The following ZNF280C variants were observed in gnomAD, a reference collection of about 807,000 sequenced individuals.
ZNF280C encodes zinc finger protein 280C, also known as suppressor of hairy wing homolog 3.
In ZNF280C, 14 loss-of-function variants were observed where a neutral mutation model predicts 53.6. The observed-to-expected ratio is 0.26, with a 90% CI of 0.17 to 0.41. The LOEUF is 0.41. ZNF280C is among the 10% of genes least tolerant of loss of function. The pLI, the probability that ZNF280C is intolerant of heterozygous loss-of-function variation, is 1.00. For synonymous variants in ZNF280C, 203 were observed against 181.1 expected, an observed-to-expected ratio of 1.12 and a Z score of -0.97; for missense variants, 416 against 547.1, an observed-to-expected ratio of 0.76 and a Z score of 2.39.
At chrX:130,248,537 G>A (rs2032473182) in intron 2 of ZNF280C, among the ~76,000 whole-genome samples, 1 of 111,394 alleles carries the variant, frequency 9.0e-6, no homozygotes, top group South Asian at 3.8e-4. Context: ...CATCCCCCTA[G>A]GCTCTGCTTG....
intron 8 of ZNF280C, among the ~76,000 whole-genome samples, chrX:130,232,990 T>TAC (rs200162826): frequency 1.1e-3 from 119 of 110,325 alleles, no homozygotes; most frequent in African/African-American, 2.9e-3. Flanking sequence ...TATATATATA[T>TAC]ACACACACAC....
intron 5 of ZNF280C, among the ~76,000 whole-genome samples, chrX:130,241,180 A>C (rs1702707691): frequency 9.0e-6 from 1 of 111,633 alleles, no homozygotes; most frequent in Admixed American, 9.6e-5. Context: ...GATAATAATA[A>C]TACTCTCCTT....
intron 2 of ZNF280C, among the ~76,000 whole-genome samples, chrX:130,255,513 AGAG>A (rs1415666967): frequency 4.5e-5 from 5 of 110,960 alleles, no homozygotes; most frequent in South Asian, 7.5e-4. Context: ...GAGAAAAAGG[AGAG>A]GAGAAGTAAT....
Position 130,239,705 on chromosome X carries a change from T to A in ZNF280C, c.382-12A>T, listed in dbSNP as rs201374865. On this transcript the variant is annotated splice_polypyrimidine_tract_variant and intron_variant, in intron 5 of 18. Coordinates refer to ENST00000370978, the MANE Select transcript of ZNF280C (RefSeq NM_017666.5). ...TTCTTTGTAAAATCCTGTAAAAATT[T>A]ATAATTATTTTGTTTCATAAACTTT... is the stretch of plus-strand genomic sequence containing the variant. 2.2e-3 allele frequency: 2,226 copies of A among 1,027,097 alleles called. 9 individuals carry two copies. Among genetic ancestry groups the A allele is most frequent in the Non-Finnish European group, 1.6e-3 (1,194 of 736,851 alleles). The allele number at this position is 1,027,097 out of a possible 1,213,427, so 84.6% of individuals were successfully genotyped here.
chrX:130,236,447 A>G lies in ZNF280C; in HGVS notation c.664+22T>C, dbSNP rs751361440. The G allele has an allele frequency of 2.6e-6, 3 of 1,158,226 alleles. No homozygotes were observed. The African/African-American group carries it at 5.5e-5, about 21-fold the overall frequency. On this transcript the variant is annotated intron_variant, in intron 7 of 18. Coordinates refer to ENST00000370978, the MANE Select transcript of ZNF280C (RefSeq NM_017666.5). ...TATAAAAATAATACTATTTTTTTTTACATGTCAGATTTCATGTTTACCTTT... is the reference window on the plus strand; with the variant it reads ...TATAAAAATAATACTATTTTTTTTTGCATGTCAGATTTCATGTTTACCTTT...
rs763594993 is a variant in ZNF280C, at chrX:130,243,601, A to T, written c.343T>A (p.Ser115Thr). ...TTCTCAACAGTAACAGAGCTTTGTG[A>T]AGATTTAGATACAAGATGAAATCTA... Reference protein sequence around the residue: ...SPRFHLVSKSSQSSVTVENAS... With the variant: ...SPRFHLVSKSTQSSVTVENAS... The change falls in exon 5 of 19, where the codon TCA becomes ACA. Residue 115 changes from serine (S) to threonine (T), a missense_variant. Physicochemically the swap from Ser to Thr is moderately conservative, Grantham distance 58. Transcript: ENST00000370978. 3 of 1,209,492 alleles carry T rather than the reference A, an allele frequency of 2.5e-6. No homozygotes were observed. The East Asian group carries it at 8.9e-5, about 36-fold the overall frequency.
intron 2 of ZNF280C, among the ~76,000 whole-genome samples, chrX:130,255,137 TTTTC>T (rs1394803328): frequency 6.6e-4 from 70 of 106,340 alleles, no homozygotes; most frequent in African/African-American, 2.2e-3. Context: ...TTTTCTTTTT[TTTTC>T]TTTTTTTTTT....
At chrX:130,247,212 G>C (rs1355380290) in intron 2 of ZNF280C, among the ~76,000 whole-genome samples, 2 of 111,872 alleles carry the variant, frequency 1.8e-5, no homozygotes, top group African/African-American at 3.2e-5. Flanking sequence ...GGGTTCAAAC[G>C]ATTCTCCTGC....
chrX:130,220,406 C>G lies in ZNF280C; in HGVS notation c.1470G>C (p.Ala490=). The change falls in exon 13 of 19, where the codon GCG becomes GCC. Residue 490 remains alanine, a synonymous_variant. Coordinates refer to ENST00000370978, the MANE Select transcript of ZNF280C (RefSeq NM_017666.5). ...LTSKEKAEHK[A]QHRTFIKPKE... ...TAGGCTTTATAAATGTACGATGCTG[C>G]GCCTTATGTTCAGCTTTCTCCTTGC... 5.8e-6 allele frequency: 7 copies of G among 1,202,981 alleles called. No individual in the cohort carries two copies. The highest frequency in any genetic ancestry group is 7.9e-6 in the Non-Finnish European group (7 of 891,277).
intron 15 of ZNF280C, among the ~76,000 whole-genome samples, chrX:130,214,318 G>A (rs898366364): frequency 1.8e-5 from 2 of 111,641 alleles, no homozygotes; most frequent in African/African-American, 6.5e-5. Flanking sequence ...ATCAATGCAT[G>A]AAAAGGAATT....
chrX:130,226,293 A>C (rs1471444576), intron 12 of ZNF280C, among the ~76,000 whole-genome samples: 1 of 112,158 alleles, frequency 8.9e-6, no homozygotes, highest in Non-Finnish European at 1.9e-5. Flanking sequence ...AGAAAGTAGA[A>C]ATAAGATTTC....
chrX:130,213,698 A>T (rs2032068793), intron 15 of ZNF280C, among the ~76,000 whole-genome samples: 1 of 111,833 alleles, frequency 8.9e-6, no homozygotes, highest in South Asian at 3.7e-4. Context: ...ATTCAAAATA[A>T]GTATTGTCTA....
chrX:130,249,509 T>C (rs1221970698), intron 2 of ZNF280C, among the ~76,000 whole-genome samples: 1 of 111,976 alleles, frequency 8.9e-6, no homozygotes, highest in African/African-American at 3.2e-5. Context: ...AGAGGTCCAA[T>C]ATCAGTCCTA....
chrX:130,267,963 G>A (rs2032707509), intron 1 of ZNF280C, among the ~76,000 whole-genome samples: 1 of 111,796 alleles, frequency 8.9e-6, no homozygotes. Context: ...TGCAGAAGCT[G>A]GTTCACTTGA....
chrX:130,226,028 T>C (rs1322870283), intron 12 of ZNF280C, among the ~76,000 whole-genome samples: 1 of 112,299 alleles, frequency 8.9e-6, no homozygotes, highest in Admixed American at 9.5e-5. Flanking sequence ...ATGCTCTAAT[T>C]GAGGAAAAGA....
intron 15 of ZNF280C, among the ~76,000 whole-genome samples, chrX:130,212,456 C>T (rs1248820168): frequency 1.8e-5 from 2 of 111,096 alleles, no homozygotes; most frequent in Non-Finnish European, 3.8e-5. Context: ...AACAGTTTAA[C>T]AGACAGAAGT....
chrX:130,242,689 G>A (rs2032406322), intron 5 of ZNF280C, among the ~76,000 whole-genome samples: 1 of 111,474 alleles, frequency 9.0e-6, no homozygotes, highest in South Asian at 3.8e-4. Flanking sequence ...ACAGGCATGC[G>A]CCAACACGCC....
intron 5 of ZNF280C, among the ~76,000 whole-genome samples, chrX:130,240,524 A>G (rs1416084884): frequency 8.9e-6 from 1 of 111,918 alleles, no homozygotes; most frequent in Non-Finnish European, 1.9e-5. Context: ...CAAAGTAAAT[A>G]TTTTCTCTAA....
At chrX:130,266,401 G>A (rs2032688613) in intron 1 of ZNF280C, among the ~76,000 whole-genome samples, 1 of 111,418 alleles carries the variant, frequency 9.0e-6, no homozygotes. Flanking sequence ...TAATTAGATG[G>A]GAGGAATAAG....
Sources: allele counts gnomAD v4.1 joint callset (sites outside exome capture counted in the v4.1 genomes callset), GRCh38; gene constraint gnomAD v4.1.1; transcripts MANE v1.5; gene names NCBI Gene and HGNC (gene_info 2026-07-23, HGNC 2026-07-21).